Variants in GALNT13 observed in about 807,000 individuals in gnomAD.
The protein encoded by GALNT13 is UDP-GalNAc:polypeptide N-acetylgalactosaminyltransferase 13.
In GALNT13, 28 loss-of-function variants were observed where a neutral mutation model predicts 64.2. That is an observed-to-expected ratio of 0.44 (90% CI 0.32 to 0.60). The LOEUF is 0.60. GALNT13 is among the 20% of genes least tolerant of loss of function. The pLI is 0.05. For synonymous variants in GALNT13, 214 were observed against 224.6 expected (o/e 0.95, Z 0.42); for missense variants, 577 against 669.8 (o/e 0.86, Z 1.53).
the GALNT13 span, among the ~76,000 whole-genome samples, chr2:153,333,138 A>G: frequency 6.6e-6 from 1 of 152,344 alleles, no homozygotes; most frequent in Admixed American, 6.5e-5. Flanking sequence ...TTGCCACAGA[A>G]TGGCCGACTG....
At chr2:153,834,765 A>G in the GALNT13 span, among the ~76,000 whole-genome samples, 1 of 152,130 alleles carries the variant, frequency 6.6e-6, no homozygotes, top group East Asian at 1.9e-4. Context: ...AATGAGGCAT[A>G]CAACAGGCTT....
the GALNT13 span, among the ~76,000 whole-genome samples, chr2:153,308,177 A>G: frequency 1.3e-5 from 2 of 152,210 alleles, no homozygotes. Flanking sequence ...AGTTCTTAAT[A>G]AAACCTAGAC....
chr2:153,749,869 A>G, the GALNT13 span, among the ~76,000 whole-genome samples: 1 of 151,964 alleles, frequency 6.6e-6, no homozygotes, highest in African/African-American at 2.4e-5. Context: ...ACTATATTGA[A>G]TAAGAATGGT....
the GALNT13 span, among the ~76,000 whole-genome samples, chr2:153,324,776 G>A: frequency 1.3e-5 from 2 of 152,196 alleles, no homozygotes; most frequent in African/African-American, 4.8e-5. Flanking sequence ...TTATGTGATG[G>A]ATTATGTTTA....
At chr2:153,128,669 G>T in the GALNT13 span, among the ~76,000 whole-genome samples, 2 of 152,176 alleles carry the variant, frequency 1.3e-5, no homozygotes, top group Non-Finnish European at 2.9e-5. Context: ...TGTGCATGCA[G>T]AAAGAGCGCA....
the GALNT13 span, among the ~76,000 whole-genome samples, chr2:153,129,618 C>T: frequency 1.3e-5 from 2 of 151,990 alleles, no homozygotes; most frequent in South Asian, 2.1e-4. Context: ...ACTAAAAATA[C>T]AAAAATTAGC....
At chr2:153,866,350 C>T in the GALNT13 span, among the ~76,000 whole-genome samples, 1 of 152,008 alleles carries the variant, frequency 6.6e-6, no homozygotes, top group Non-Finnish European at 1.5e-5. Context: ...ATCCATTCAA[C>T]AGGAATTTAC....
At chr2:154,330,748 A>AG (rs2105192397) in intron 9 of GALNT13, among the ~76,000 whole-genome samples, 1 of 152,252 alleles carries the variant, frequency 6.6e-6, no homozygotes, top group South Asian at 2.1e-4. Flanking sequence ...CCAAGTTTAC[A>AG]GTGGGTTCCA....
chr2:153,370,028 G>A, the GALNT13 span, among the ~76,000 whole-genome samples: 1 of 152,102 alleles, frequency 6.6e-6, no homozygotes, highest in Non-Finnish European at 1.5e-5. Flanking sequence ...TTGATATGCA[G>A]CAATAGATAT....
the GALNT13 span, among the ~76,000 whole-genome samples, chr2:153,404,514 AT>A: frequency 2.5e-3 from 380 of 150,130 alleles, 2 homozygotes; most frequent in African/African-American, 8.7e-3. Context: ...TTTTCAAAAG[AT>A]TTTTTTTTTA....
chr2:154,437,546 T>C (rs707065), intron 11 of GALNT13: 107,794 of 1,283,890 alleles, frequency 0.084, 5,268 homozygotes, highest in South Asian at 0.18. Context: ...AAACACATTC[T>C]ATAATTATGT....
chr2:153,388,047 G>A, the GALNT13 span, among the ~76,000 whole-genome samples: 1 of 151,178 alleles, frequency 6.6e-6, no homozygotes, highest in Non-Finnish European at 1.5e-5. Context: ...AGAGAGGGGA[G>A]CGGAAGGGGA....
the GALNT13 span, among the ~76,000 whole-genome samples, chr2:153,623,408 A>G: frequency 6.6e-6 from 1 of 152,050 alleles, no homozygotes; most frequent in African/African-American, 2.4e-5. Context: ...TTACTGTGGC[A>G]CTTGGCATCA....
the GALNT13 span, among the ~76,000 whole-genome samples, chr2:153,554,927 T>A: frequency 6.6e-6 from 1 of 152,262 alleles, no homozygotes; most frequent in East Asian, 1.9e-4. Flanking sequence ...GCTTTGTTAT[T>A]AGAATGCAAA....
At chr2:153,364,832 T>C in the GALNT13 span, among the ~76,000 whole-genome samples, 1 of 152,188 alleles carries the variant, frequency 6.6e-6, no homozygotes, top group Non-Finnish European at 1.5e-5. Flanking sequence ...ATGGATTCAA[T>C]GCTAATCCCA....
the GALNT13 span, among the ~76,000 whole-genome samples, chr2:153,688,430 AATAAG>A: frequency 2.6e-5 from 4 of 152,050 alleles, no homozygotes; most frequent in Non-Finnish European, 4.4e-5. Context: ...AATATTTTAA[AATAAG>A]ATATTTTAGT....
At chr2:154,007,205 C>T (rs1026453652) in intron 3 of GALNT13, among the ~76,000 whole-genome samples, 1 of 152,208 alleles carries the variant, frequency 6.6e-6, no homozygotes, top group African/African-American at 2.4e-5. Flanking sequence ...GGCCTTTAGA[C>T]TTTGTGAGCA....
intron 4 of GALNT13, among the ~76,000 whole-genome samples, chr2:154,224,500 C>A (rs1688486027): frequency 6.6e-6 from 1 of 151,732 alleles, no homozygotes; most frequent in Non-Finnish European, 1.5e-5. Flanking sequence ...AAAAAAGCTA[C>A]AAGGGAGAAT....
chr2:153,254,195 G>T, the GALNT13 span, among the ~76,000 whole-genome samples: 1 of 152,108 alleles, frequency 6.6e-6, no homozygotes, highest in Non-Finnish European at 1.5e-5. Context: ...GTTTAGTCTT[G>T]GGAGGGTGTA....
Sources: allele counts gnomAD v4.1 joint callset (sites outside exome capture counted in the v4.1 genomes callset), GRCh38; gene constraint gnomAD v4.1.1; transcripts MANE v1.5; gene names NCBI Gene and HGNC (gene_info 2026-07-23, HGNC 2026-07-21).